Variants in LUZP2 observed in about 807,000 individuals in gnomAD.
LUZP2 encodes leucine zipper protein 2.
LUZP2 carries 52 observed loss-of-function variants against 51.6 expected under a neutral mutation model. The ratio of observed to expected loss-of-function variants is 1.01; its 90% CI spans 0.81 to 1.27. LUZP2 has a LOEUF of 1.27. Among genes scored for constraint, LUZP2 ranks in the 50% most tolerant of loss-of-function variants. The pLI is 0.00. For missense variants in LUZP2, 436 were observed against 395.4 expected (o/e 1.10, Z -0.87); for synonymous variants, 154 against 137.3 (o/e 1.12, Z -0.85).
At chr11:24,770,729 C>G (rs1256087983) in intron 5 of LUZP2, among the ~76,000 whole-genome samples, 1 of 152,140 alleles carries the variant, frequency 6.6e-6, no homozygotes, top group Non-Finnish European at 1.5e-5. Flanking sequence ...AAAGCAGTTA[C>G]TATTCTTGGT....
intron 1 of LUZP2, among the ~76,000 whole-genome samples, chr11:24,660,973 G>T (rs755391163): frequency 6.6e-6 from 1 of 152,064 alleles, no homozygotes; most frequent in Non-Finnish European, 1.5e-5. Context: ...GTTTCTTGGA[G>T]AAATGTATTT....
At chr11:24,915,369 A>G (rs951377024) in intron 7 of LUZP2, among the ~76,000 whole-genome samples, 1 of 152,064 alleles carries the variant, frequency 6.6e-6, no homozygotes, top group Non-Finnish European at 1.5e-5. Flanking sequence ...TCATATAATC[A>G]TGATGGTCGC....
At chr11:24,615,018 A>T (rs1854240901) in intron 1 of LUZP2, among the ~76,000 whole-genome samples, 1 of 152,014 alleles carries the variant, frequency 6.6e-6, no homozygotes, top group African/African-American at 2.4e-5. Context: ...AAAAAGGTTG[A>T]AATTTCAATT....
chr11:24,978,205 T>A (rs1554949052), intron 8 of LUZP2, among the ~76,000 whole-genome samples: 4 of 151,692 alleles, frequency 2.6e-5, no homozygotes, highest in South Asian at 2.1e-4. Flanking sequence ...TATAAGATTT[T>A]AAAAAAATTT....
chr11:24,868,738 A>G (rs1429621315), intron 5 of LUZP2, among the ~76,000 whole-genome samples: 1 of 152,172 alleles, frequency 6.6e-6, no homozygotes, highest in Non-Finnish European at 1.5e-5. Flanking sequence ...AAAGGATTTT[A>G]TGCTTTAGTA....
intron 5 of LUZP2, among the ~76,000 whole-genome samples, chr11:24,829,586 T>C (rs1850639580): frequency 6.6e-6 from 1 of 152,206 alleles, no homozygotes; most frequent in Non-Finnish European, 1.5e-5. Context: ...AGCTGGAATC[T>C]TAACATTGAT....
chr11:25,066,015 A>G (rs935202053), intron 10 of LUZP2, among the ~76,000 whole-genome samples: 3 of 152,012 alleles, frequency 2.0e-5, no homozygotes, highest in Admixed American at 6.6e-5. Flanking sequence ...GAGGAACAAC[A>G]ATGAAAATTT....
chr11:24,762,317 A>G (rs1008803005), intron 4 of LUZP2, among the ~76,000 whole-genome samples: 2 of 152,172 alleles, frequency 1.3e-5, no homozygotes, highest in African/African-American at 4.8e-5. Context: ...AAATATGACT[A>G]ATCCAAACTG....
At chr11:25,025,394 C>G (rs543678674) in intron 9 of LUZP2, among the ~76,000 whole-genome samples, 194 of 152,230 alleles carry the variant, frequency 1.3e-3, no homozygotes, top group African/African-American at 4.5e-3. Context: ...ACAATCTACC[C>G]ATCTGACAAA....
At chr11:24,572,954 T>G (rs1282171330) in intron 1 of LUZP2, among the ~76,000 whole-genome samples, 1 of 152,036 alleles carries the variant, frequency 6.6e-6, no homozygotes, top group Non-Finnish European at 1.5e-5. Context: ...AGCTTAGATA[T>G]CACGTACAAT....
intron 9 of LUZP2, among the ~76,000 whole-genome samples, chr11:25,033,614 C>T (rs975829180): frequency 6.6e-6 from 1 of 152,070 alleles, no homozygotes; most frequent in African/African-American, 2.4e-5. Flanking sequence ...TCTATAACTT[C>T]CGTATGTATG....
At chr11:24,926,501 ATGTG>A (rs369388590) in intron 7 of LUZP2, among the ~76,000 whole-genome samples, 1 of 135,644 alleles carries the variant, frequency 7.4e-6, no homozygotes, top group Non-Finnish European at 1.6e-5. Flanking sequence ...ATGTGTATAT[ATGTG>A]TGTGTATATA....
intron 1 of LUZP2, among the ~76,000 whole-genome samples, chr11:24,507,486 C>A (rs1307972063): frequency 2.6e-5 from 4 of 152,010 alleles, no homozygotes; most frequent in Non-Finnish European, 5.9e-5. Flanking sequence ...CCTCACATAG[C>A]TTTCTTTAAA....
At chr11:25,051,220 G>A (rs1455364473) in intron 10 of LUZP2, among the ~76,000 whole-genome samples, 2 of 152,136 alleles carry the variant, frequency 1.3e-5, no homozygotes, top group African/African-American at 4.8e-5. Flanking sequence ...GGGAGGCTGA[G>A]GCAGGAGAAT....
intron 1 of LUZP2, chr11:24,646,461 T>C (rs1409140341): frequency 3.5e-6 from 1 of 282,370 alleles, no homozygotes; most frequent in South Asian, 1.4e-4. Flanking sequence ...AGTGACACTA[T>C]CAGAGACTCA....
intron 5 of LUZP2, among the ~76,000 whole-genome samples, chr11:24,779,178 T>C (rs778113297): frequency 4.3e-4 from 65 of 152,270 alleles, no homozygotes; most frequent in Non-Finnish European, 8.1e-4. Flanking sequence ...AAGAAGTTGA[T>C]TTTTTTAAAA....
intron 4 of LUZP2, among the ~76,000 whole-genome samples, chr11:24,753,559 C>T (rs987515023): frequency 6.6e-5 from 10 of 152,220 alleles, no homozygotes; most frequent in African/African-American, 1.9e-4. Context: ...TTTTACAGTA[C>T]TAGGTAGATG....
At chr11:24,800,475 G>A (rs1327829301) in intron 5 of LUZP2, among the ~76,000 whole-genome samples, 3 of 149,978 alleles carry the variant, frequency 2.0e-5, no homozygotes, top group African/African-American at 4.9e-5. Flanking sequence ...ATATAAGCAT[G>A]TTCAGAGATC....
intron 1 of LUZP2, among the ~76,000 whole-genome samples, chr11:24,538,835 T>C (rs1483553108): frequency 1.3e-5 from 2 of 151,852 alleles, no homozygotes; most frequent in African/African-American, 2.4e-5. Flanking sequence ...ATTAAATACA[T>C]TGTGCTCTTC....
Sources: allele counts gnomAD v4.1 joint callset (sites outside exome capture counted in the v4.1 genomes callset), GRCh38; gene constraint gnomAD v4.1.1; transcripts MANE v1.5; gene names NCBI Gene and HGNC (gene_info 2026-07-23, HGNC 2026-07-21).